RPGRIP1: variants seen among roughly 807,000 people sequenced by gnomAD.
RPGRIP1 encodes X-linked retinitis pigmentosa GTPase regulator-interacting protein 1.
In RPGRIP1, 128 loss-of-function variants were observed where a neutral mutation model predicts 157.9. The observed-to-expected ratio is 0.81, with a 90% CI of 0.70 to 0.94. The LOEUF is 0.94. RPGRIP1 is among the 40% of genes least tolerant of loss of function. The pLI, the probability that RPGRIP1 is intolerant of heterozygous loss-of-function variation, is 0.00. For missense variants in RPGRIP1, 1,486 were observed against 1,545.8 expected, an observed-to-expected ratio of 0.96 and a Z score of 0.65; for synonymous variants, 554 against 571.6, an observed-to-expected ratio of 0.97 and a Z score of 0.44.
At chr14:21,321,533 C>A in intron 13 of RPGRIP1, 131 bp downstream of exon 13, 1 of 1,451,646 alleles carries the variant, frequency 6.9e-7, no homozygotes, top group African/African-American at 1.4e-5. Flanking sequence ...AGCAAACACA[C>A]AATGGCTGTC....
At chr14:21,312,035 T>C in intron 9 of RPGRIP1, 65 bp downstream of exon 9, 1 of 1,421,822 alleles carries the variant, frequency 7.0e-7, no homozygotes, top group Non-Finnish European at 9.8e-7. Context: ...AATGTGTATC[T>C]TAGCAACAAT....
At chr14:21,298,437 T>A (rs935412577) in intron 3 of RPGRIP1, among the ~76,000 whole-genome samples, 6 of 142,718 alleles carry the variant, frequency 4.2e-5, no homozygotes, top group Non-Finnish European at 9.3e-5. Flanking sequence ...GAGGCGGAGG[T>A]TGTAGTAAGC....
intron 11 of RPGRIP1, 92 bp downstream of exon 11, chr14:21,317,942 C>T: frequency 9.5e-7 from 1 of 1,054,582 alleles, no homozygotes; most frequent in Non-Finnish European, 1.4e-6. Context: ...CTTTAATCCC[C>T]TCACTTGATC....
In RPGRIP1 at chr14:21,350,317, AGT is replaced by A. The variant is rs376387010; in HGVS notation, c.3749-785_3749-784del. ...CTTGAACCCGGGAGGCGGAGGTTGC[AGT>A]GAGCTGAGATCAAGTCACCGCACTC... On this transcript the variant is annotated intron_variant, in intron 24 of 24. Transcript: ENST00000400017. 1.6e-3 allele frequency among the ~76,000 whole-genome samples: 243 copies of A among 150,444 alleles called. 8 individuals are homozygous for A. In the South Asian group the frequency reaches 0.048, roughly 30 times the overall value.
intron 18 of RPGRIP1, 111 bp downstream of exon 18, chr14:21,327,918 C>G (rs145505414): frequency 8.3e-6 from 7 of 841,576 alleles, no homozygotes; most frequent in Non-Finnish European, 8.7e-6. Context: ...CCTGTAATCC[C>G]AGCACTTTGG....
At chr14:21,345,000 C>A in intron 22 of RPGRIP1, 113 bp from the exon 23 acceptor site, 1 of 710,858 alleles carries the variant, frequency 1.4e-6, no homozygotes, top group Non-Finnish European at 2.6e-6. Flanking sequence ...TAGATCCAGG[C>A]AAGGAGTCTA....
chr14:21,318,783 T>A (rs17197065), intron 11 of RPGRIP1, among the ~76,000 whole-genome samples: 1 of 151,956 alleles, frequency 6.6e-6, no homozygotes, highest in Admixed American at 6.6e-5. Context: ...CTGAAAGTAT[T>A]GAAAGTGAAT....
intron 6 of RPGRIP1, among the ~76,000 whole-genome samples, chr14:21,306,369 G>T (rs1041100024): frequency 3.3e-5 from 5 of 151,700 alleles, no homozygotes; most frequent in Non-Finnish European, 7.4e-5. Context: ...CTGACCTCAG[G>T]TGATTCGCCT....
At chr14:21,328,744 C>G in intron 19 of RPGRIP1, 117 bp downstream of exon 19, 1 of 743,504 alleles carries the variant, frequency 1.3e-6, no homozygotes. Flanking sequence ...ACTAATCGGC[C>G]GGGCATGGTG....
chr14:21,335,146 A>G (rs1256989133), intron 21 of RPGRIP1, among the ~76,000 whole-genome samples: 5 of 152,038 alleles, frequency 3.3e-5, no homozygotes, highest in Middle Eastern at 6.4e-3. Context: ...TGGAAAATGC[A>G]AATTGTTTAG....
At chr14:21,349,734 C>T (rs903295782) in intron 24 of RPGRIP1, among the ~76,000 whole-genome samples, 25 of 152,140 alleles carry the variant, frequency 1.6e-4, no homozygotes, top group African/African-American at 5.6e-4. Context: ...TTCCTGCCAC[C>T]GGTTTCTTCT....
chr14:21,325,120 C>T, intron 15 of RPGRIP1, 50 bp downstream of exon 15: 1 of 1,556,780 alleles, frequency 6.4e-7, no homozygotes, highest in South Asian at 1.2e-5. Flanking sequence ...GCAGAATTTC[C>T]CAAAGCCTAC....
chr14:21,311,670 A>C, intron 8 of RPGRIP1, 154 bp from the exon 9 acceptor site: 2 of 502,918 alleles, frequency 4.0e-6, no homozygotes, highest in Non-Finnish European at 6.6e-6. Flanking sequence ...GCTAGGGTGA[A>C]AAACAAGGTT....
At position 21,311,804 on chromosome 14, in the gene RPGRIP1, G is replaced by T; in HGVS notation, c.931-20G>T. On this transcript the variant is annotated intron_variant, in intron 8 of 24. Transcript: ENST00000400017. ...CTGAGTGATATGACCATTCCCAGAGGTACTTTCCTTTTGACCCAGAATCAG... is the reference window on the plus strand; with the variant it reads ...CTGAGTGATATGACCATTCCCAGAGTTACTTTCCTTTTGACCCAGAATCAG... 5 of 1,589,852 alleles carry T rather than the reference G, an allele frequency of 3.1e-6. No individual in the cohort carries two copies. Among genetic ancestry groups the T allele is most frequent in the Non-Finnish European group, 4.3e-6 (5 of 1,170,068 alleles).
At chr14:21,286,313 C>A (rs2139130078) in intron 1 of RPGRIP1, among the ~76,000 whole-genome samples, 1 of 151,734 alleles carries the variant, frequency 6.6e-6, no homozygotes, top group Non-Finnish European at 1.5e-5. Context: ...AAAGGAAGAA[C>A]CTGGAGAACA....
intron 1 of RPGRIP1, 48 bp from the exon 2 acceptor site, chr14:21,287,891 G>A (rs1880355148): frequency 1.2e-6 from 1 of 814,068 alleles, no homozygotes; most frequent in South Asian, 1.6e-5. Flanking sequence ...CGTTTCAGAA[G>A]ACATCCTAAA....
chr14:21,314,400 G>A (rs1594186827), intron 10 of RPGRIP1, among the ~76,000 whole-genome samples: 1 of 151,878 alleles, frequency 6.6e-6, no homozygotes, highest in Non-Finnish European at 1.5e-5. Context: ...ATATGCTGAT[G>A]TATTATTCTA....
At chr14:21,285,960 A>G (rs774064153) in intron 1 of RPGRIP1, among the ~76,000 whole-genome samples, 14 of 151,888 alleles carry the variant, frequency 9.2e-5, no homozygotes, top group Admixed American at 6.6e-5. Context: ...CTTGAATTTT[A>G]GTGGCGGAGA....
intron 8 of RPGRIP1, among the ~76,000 whole-genome samples, chr14:21,311,442 C>A (rs539961538): frequency 6.6e-6 from 1 of 152,240 alleles, no homozygotes; most frequent in Non-Finnish European, 1.5e-5. Flanking sequence ...ATCCCAGCTA[C>A]TCAGGAGGCT....
Sources: gnomAD v4.1 joint callset for allele counts (sites outside exome capture counted in the v4.1 genomes callset) on GRCh38, gnomAD v4.1.1 for gene constraint, MANE v1.5 for transcripts, NCBI Gene and HGNC (gene_info 2026-07-23, HGNC 2026-07-21) for gene names.